COX7B2: variants seen among roughly 807,000 people sequenced by gnomAD.
The protein encoded by COX7B2 is cytochrome c oxidase subunit 7B2, also known as cytochrome c oxidase subunit 7B2, mitochondrial.
For missense variants in COX7B2, 109 were observed against 95.9 expected (o/e 1.14, Z -0.57); for synonymous variants, 37 against 32.1 (o/e 1.15, Z -0.51).
intron 1 of COX7B2, among the ~76,000 whole-genome samples, chr4:46,888,710 T>A (rs535930709): frequency 6.6e-6 from 1 of 152,294 alleles, no homozygotes; most frequent in East Asian, 1.9e-4. Flanking sequence ...CCTCCCAAGG[T>A]GCTGGGATTA....
chr4:46,786,459 T>C lies in COX7B2; in HGVS notation c.-49-51218A>G, dbSNP rs572106310. On this transcript the variant is annotated intron_variant, in intron 2 of 2. Coordinates refer to ENST00000355591, the MANE Select transcript of COX7B2 (RefSeq NM_130902.3). ...TGATGGGCACAAATGTAGCTAAATATTGGCATGCTTACTTATTTTGCTTCT... is the reference window on the plus strand; with the variant it reads ...TGATGGGCACAAATGTAGCTAAATACTGGCATGCTTACTTATTTTGCTTCT... Among the ~76,000 whole-genome samples the C allele has an allele frequency of 3.9e-5, 6 of 152,314 alleles. No individual in the cohort carries two copies. The East Asian group carries it at 9.6e-4, about 24-fold the overall frequency.
intron 2 of COX7B2, among the ~76,000 whole-genome samples, chr4:46,841,501 C>T (rs141669197): frequency 3.6e-4 from 55 of 151,848 alleles, no homozygotes; most frequent in African/African-American, 1.2e-3. Flanking sequence ...AAGGTTAATT[C>T]GTGTTTGGGA....
rs541273059 is a variant in COX7B2 at position 46,792,806 on chromosome 4, T to G, written c.-50+52154A>C. Among the ~76,000 whole-genome samples, 15 of 152,362 alleles carry G rather than the reference T, an allele frequency of 9.8e-5. No individual in the cohort carries two copies. The South Asian group carries it at 3.1e-3, about 32-fold the overall frequency. ...AAAAGAATTTTAAGGACAAGTTTTCTAAATTGACTCTGGGGTTTCTAGAAT... is the reference window on the plus strand; with the variant it reads ...AAAAGAATTTTAAGGACAAGTTTTCGAAATTGACTCTGGGGTTTCTAGAAT... On this transcript the variant is annotated intron_variant, in intron 2 of 2. Coordinates refer to ENST00000355591, the MANE Select transcript of COX7B2 (RefSeq NM_130902.3).
Position 46,894,460 on chromosome 4 carries a change from C to T in COX7B2, c.-105+14700G>A, listed in dbSNP as rs150429167. On this transcript the variant is annotated intron_variant, in intron 1 of 2. Coordinates refer to ENST00000355591, the MANE Select transcript of COX7B2 (RefSeq NM_130902.3). ...ATATGCAGAAGATTGAAGCTGGACC[C>T]CTTCCTTGTATCATATACAAAAATC... Among the ~76,000 whole-genome samples, 14 of 152,188 alleles carry T rather than the reference C, an allele frequency of 9.2e-5. No individual in the cohort carries two copies. The East Asian group carries it at 2.3e-3, about 25-fold the overall frequency.
chr4:46,842,387 T>C (rs1715987927), intron 2 of COX7B2, among the ~76,000 whole-genome samples: 1 of 151,978 alleles, frequency 6.6e-6, no homozygotes, highest in African/African-American at 2.4e-5. Context: ...ACAGTGGTTG[T>C]GAGCTCACTT....
intron 2 of COX7B2, among the ~76,000 whole-genome samples, chr4:46,775,576 T>G (rs551416305): frequency 6.6e-6 from 1 of 152,092 alleles, no homozygotes; most frequent in Non-Finnish European, 1.5e-5. Context: ...CCCTCCATTA[T>G]GTATGGATAT....
intron 1 of COX7B2, among the ~76,000 whole-genome samples, chr4:46,892,243 G>C (rs1719471409): frequency 6.6e-6 from 1 of 152,144 alleles, no homozygotes; most frequent in Non-Finnish European, 1.5e-5. Context: ...GAAAAGAAAA[G>C]CAATATTACA....
intron 1 of COX7B2, among the ~76,000 whole-genome samples, chr4:46,864,366 A>G (rs1247384521): frequency 6.6e-6 from 1 of 152,116 alleles, no homozygotes; most frequent in East Asian, 1.9e-4. Flanking sequence ...TTTTAACTAA[A>G]GGGAAGTTAG....
intron 2 of COX7B2, among the ~76,000 whole-genome samples, chr4:46,738,577 T>G (rs2109392007): frequency 6.6e-6 from 1 of 152,206 alleles, no homozygotes; most frequent in Admixed American, 6.6e-5. Flanking sequence ...CTAAGAAAAT[T>G]CAAGGAATTT....
At chr4:46,795,310 T>A (rs1577713735) in intron 2 of COX7B2, among the ~76,000 whole-genome samples, 1 of 88,864 alleles carries the variant, frequency 1.1e-5, no homozygotes, top group East Asian at 2.8e-4. Context: ...CTAGGTTTTC[T>A]TCTAGGGTTT....
chr4:46,794,125 A>G (rs1164248044), intron 2 of COX7B2, among the ~76,000 whole-genome samples: 1 of 152,242 alleles, frequency 6.6e-6, no homozygotes, highest in Admixed American at 6.5e-5. Flanking sequence ...CACATAAAGT[A>G]TGTTACACTC....
intron 2 of COX7B2, among the ~76,000 whole-genome samples, chr4:46,778,967 T>C (rs1185211933): frequency 6.6e-6 from 1 of 152,122 alleles, no homozygotes; most frequent in Admixed American, 6.6e-5. Context: ...AAAACAAATG[T>C]TAGTTGTTAT....
chr4:46,817,418 G>A (rs1276578635), intron 2 of COX7B2, among the ~76,000 whole-genome samples: 4 of 152,126 alleles, frequency 2.6e-5, no homozygotes, highest in African/African-American at 9.7e-5. Flanking sequence ...ACACATTTCA[G>A]TCTCTCAGTC....
At chr4:46,787,924 C>T (rs528596586) in intron 2 of COX7B2, among the ~76,000 whole-genome samples, 1 of 152,160 alleles carries the variant, frequency 6.6e-6, no homozygotes, top group Non-Finnish European at 1.5e-5. Flanking sequence ...TGTCTTCTCA[C>T]TTACTCAATT....
chr4:46,805,097 G>A (rs949065931), intron 2 of COX7B2, among the ~76,000 whole-genome samples: 38 of 152,184 alleles, frequency 2.5e-4, no homozygotes, highest in African/African-American at 8.0e-4. Context: ...TGCAGGACCC[G>A]CCAAGCCCAC....
chr4:46,761,576 G>T (rs1339771837), intron 2 of COX7B2, among the ~76,000 whole-genome samples: 1 of 152,084 alleles, frequency 6.6e-6, no homozygotes, highest in Non-Finnish European at 1.5e-5. Context: ...TTCAGGCTGA[G>T]AATGCATTTT....
intron 2 of COX7B2, among the ~76,000 whole-genome samples, chr4:46,830,096 C>T (rs893892527): frequency 6.6e-6 from 1 of 151,922 alleles, no homozygotes; most frequent in Admixed American, 6.6e-5. Context: ...GAGGCCAAGG[C>T]GTGCAGATCA....
At chr4:46,903,069 T>G (rs1360915121) in intron 1 of COX7B2, among the ~76,000 whole-genome samples, 1 of 152,174 alleles carries the variant, frequency 6.6e-6, no homozygotes, top group Non-Finnish European at 1.5e-5. Flanking sequence ...ATTATAGAGA[T>G]AGGCCAAATT....
rs572820963 is a variant in COX7B2, at chr4:46,908,976, G to A, written c.-105+184C>T. 3.3e-4 allele frequency among the ~76,000 whole-genome samples: 50 copies of A among 152,002 alleles called. 1 individual carries two copies. The highest frequency in any genetic ancestry group is 2.7e-3 in the South Asian group (13 of 4,806). On this transcript the variant is annotated intron_variant, in intron 1 of 2. Transcript: ENST00000355591. ...GGAGAATGGCGTGAACCCGGGAGGC[G>A]GAGCTTGCAGTGAGCCGAGATGGCG...
Sources: allele counts gnomAD v4.1 joint callset (sites outside exome capture counted in the v4.1 genomes callset), GRCh38; gene constraint gnomAD v4.1.1; transcripts MANE v1.5; gene names NCBI Gene and HGNC (gene_info 2026-07-23, HGNC 2026-07-21).